EEPD1: variants seen among roughly 807,000 people sequenced by gnomAD.
The protein encoded by EEPD1 is endonuclease/exonuclease/phosphatase family domain-containing protein 1.
In EEPD1, 17 loss-of-function variants were observed where a neutral mutation model predicts 46.3. The ratio of observed to expected loss-of-function variants is 0.37; its 90% CI spans 0.25 to 0.55. The LOEUF is 0.55. Among genes scored for constraint, EEPD1 ranks in the 20% least tolerant of loss-of-function variants. EEPD1 has a pLI of 0.83. For missense variants in EEPD1, 673 were observed against 745.6 expected (o/e 0.90, Z 1.13); for synonymous variants, 313 against 315.6 (o/e 0.99, Z 0.09).
chr7:36,185,845 T>C (rs1390440202), intron 2 of EEPD1, among the ~76,000 whole-genome samples: 2 of 152,250 alleles, frequency 1.3e-5, no homozygotes, highest in Non-Finnish European at 2.9e-5. Flanking sequence ...GTGTGTTCTA[T>C]ATAAAGTTTC....
At chr7:36,230,546 C>T (rs1184546404) in intron 2 of EEPD1, among the ~76,000 whole-genome samples, 1 of 152,186 alleles carries the variant, frequency 6.6e-6, no homozygotes, top group Non-Finnish European at 1.5e-5. Context: ...TGTTCCTTTG[C>T]TCTTGCCGTT....
At chr7:36,156,459 G>A (rs563586680) in intron 2 of EEPD1, among the ~76,000 whole-genome samples, 11 of 152,260 alleles carry the variant, frequency 7.2e-5, no homozygotes, top group African/African-American at 2.2e-4. Context: ...GGTGAGAGCT[G>A]TACTCGGCAC....
intron 4 of EEPD1, among the ~76,000 whole-genome samples, chr7:36,282,311 A>G (rs1330833242): frequency 6.6e-6 from 1 of 152,250 alleles, no homozygotes; most frequent in Non-Finnish European, 1.5e-5. Flanking sequence ...CACTGCATTC[A>G]TTCAACAAAT....
chr7:36,166,812 G>A (rs1359647787), intron 2 of EEPD1, among the ~76,000 whole-genome samples: 1 of 152,152 alleles, frequency 6.6e-6, no homozygotes, highest in African/African-American at 2.4e-5. Context: ...TCCGCAGAGA[G>A]GGAAAATGAT....
chr7:36,276,743 A>G (rs544015432), intron 3 of EEPD1, among the ~76,000 whole-genome samples: 78 of 152,342 alleles, frequency 5.1e-4, no homozygotes, highest in Non-Finnish European at 9.3e-4. Flanking sequence ...TAGAAGTACA[A>G]ACCTTGGCCA....
At chr7:36,196,418 A>ATCTCCC (rs1168985871) in intron 2 of EEPD1, among the ~76,000 whole-genome samples, 6 of 147,162 alleles carry the variant, frequency 4.1e-5, no homozygotes, top group Admixed American at 2.7e-4. Context: ...TCCCTCTCCC[A>ATCTCCC]TCTCCCTCTC....
At chr7:36,162,668 A>G (rs984589020) in intron 2 of EEPD1, among the ~76,000 whole-genome samples, 1 of 152,210 alleles carries the variant, frequency 6.6e-6, no homozygotes, top group African/African-American at 2.4e-5. Flanking sequence ...AAAGAAAAAA[A>G]GAAAAACCTG....
At chr7:36,172,162 A>G (rs1785096491) in intron 2 of EEPD1, among the ~76,000 whole-genome samples, 1 of 152,156 alleles carries the variant, frequency 6.6e-6, no homozygotes, top group Admixed American at 6.5e-5. Flanking sequence ...CATAACTGCC[A>G]TATCCCTAGT....
chr7:36,215,189 G>A (rs1020569860), intron 2 of EEPD1, among the ~76,000 whole-genome samples: 8 of 151,092 alleles, frequency 5.3e-5, no homozygotes, highest in South Asian at 4.1e-4. Context: ...AACCAGACAC[G>A]AGCCGAGCCC....
intron 3 of EEPD1, among the ~76,000 whole-genome samples, chr7:36,268,879 C>T (rs1335141493): frequency 1.3e-5 from 2 of 152,170 alleles, no homozygotes; most frequent in Non-Finnish European, 2.9e-5. Context: ...GAGTCATTTG[C>T]CCAAAGTCAA....
chr7:36,272,497 T>TTTTG (rs139616080), intron 3 of EEPD1, among the ~76,000 whole-genome samples: 2 of 101,674 alleles, frequency 2.0e-5, no homozygotes, highest in Admixed American at 1.0e-4. Flanking sequence ...TTTCTGGTTT[T>TTTTG]TTGTTGTTGT....
intron 6 of EEPD1, among the ~76,000 whole-genome samples, chr7:36,291,883 G>C (rs777160881): frequency 3.3e-5 from 5 of 152,232 alleles, no homozygotes; most frequent in Admixed American, 1.3e-4. Flanking sequence ...ATCCCGCAGA[G>C]CCCAGCTGGG....
chr7:36,155,755 A>G (rs1480798416), intron 2 of EEPD1, among the ~76,000 whole-genome samples: 3 of 152,176 alleles, frequency 2.0e-5, no homozygotes, highest in Non-Finnish European at 2.9e-5. Context: ...TTTCAGCCCT[A>G]AAATTGTAGC....
intron 2 of EEPD1, among the ~76,000 whole-genome samples, chr7:36,236,005 G>C (rs1032600388): frequency 1.1e-4 from 17 of 150,748 alleles, no homozygotes; most frequent in African/African-American, 3.9e-4. Context: ...GCTCACTGCA[G>C]CCTCGACCTC....
intron 2 of EEPD1, among the ~76,000 whole-genome samples, chr7:36,179,127 A>G (rs561258033): frequency 6.6e-6 from 1 of 152,344 alleles, no homozygotes; most frequent in South Asian, 2.1e-4. Context: ...TTTAAAAGAT[A>G]CATTTGAGTG....
intron 3 of EEPD1, among the ~76,000 whole-genome samples, chr7:36,273,931 G>A (rs117186): frequency 0.98 from 149,423 of 152,322 alleles, 73,360 homozygotes; most frequent in Non-Finnish European, 1. Context: ...TAAGTGACCC[G>A]GGGAATGGCC....
rs1307317024 is a variant in EEPD1 at position 36,197,349 on chromosome 7, C to G, written c.879-41636C>G. Among the ~76,000 whole-genome samples the G allele has an allele frequency of 2.0e-5, 3 of 150,506 alleles. No homozygotes were observed. In the East Asian group the frequency reaches 6.0e-4, roughly 30 times the overall value. On this transcript the variant is annotated intron_variant, in intron 2 of 7. Transcript: ENST00000242108. ...GTCCAGGAGGTGAGGGGCGCCTCTGCCCGGCCGCCCCTACTGGGAAGTGAG... is the reference window on the plus strand; with the variant it reads ...GTCCAGGAGGTGAGGGGCGCCTCTGGCCGGCCGCCCCTACTGGGAAGTGAG...
At chr7:36,283,010 G>A (rs1326096768) in intron 4 of EEPD1, among the ~76,000 whole-genome samples, 2 of 149,552 alleles carry the variant, frequency 1.3e-5, no homozygotes, top group Non-Finnish European at 3.0e-5. Flanking sequence ...TTTCTCCGAT[G>A]CCTGAAATTC....
intron 5 of EEPD1, among the ~76,000 whole-genome samples, chr7:36,287,072 A>G (rs1787351485): frequency 6.6e-6 from 1 of 151,858 alleles, no homozygotes; most frequent in African/African-American, 2.4e-5. Context: ...TGAAGTCTCT[A>G]CTAAAAATAA....
Sources: allele counts gnomAD v4.1 joint callset (sites outside exome capture counted in the v4.1 genomes callset), GRCh38; gene constraint gnomAD v4.1.1; transcripts MANE v1.5; gene names NCBI Gene and HGNC (gene_info 2026-07-23, HGNC 2026-07-21).